The following LRRC8D variants were observed in gnomAD, a reference collection of about 807,000 sequenced individuals.
LRRC8D encodes volume-regulated anion channel subunit LRRC8D.
Under a neutral mutation model 55.8 loss-of-function variants are expected in LRRC8D, and 20 were observed. The ratio of observed to expected loss-of-function variants is 0.36; its 90% CI spans 0.25 to 0.52. The LOEUF (loss-of-function observed/expected upper bound fraction) is 0.52, where lower values mean the gene tolerates loss of function less well. Ranked by LOEUF, LRRC8D falls within the 20% of genes least tolerant of loss-of-function variation. LRRC8D has a pLI of 0.93. For synonymous variants in LRRC8D, 352 were observed against 377.0 expected, an observed-to-expected ratio of 0.93 and a Z score of 0.77; for missense variants, 651 against 1,030.8, an observed-to-expected ratio of 0.63 and a Z score of 5.05.
chr1:89,865,330 T>TTATATATATA (rs34852331), intron 2 of LRRC8D, among the ~76,000 whole-genome samples: 15 of 139,292 alleles, frequency 1.1e-4, no homozygotes, highest in African/African-American at 2.6e-4. Context: ...AAACATGAAA[T>TTATATATATA]TATATATATA....
At chr1:89,925,444 G>A (rs1001823368) in intron 2 of LRRC8D, among the ~76,000 whole-genome samples, 9 of 151,938 alleles carry the variant, frequency 5.9e-5, no homozygotes, top group Non-Finnish European at 8.8e-5. Flanking sequence ...CCCCTCCCCC[G>A]TCCATGGAAA....
intron 2 of LRRC8D, among the ~76,000 whole-genome samples, chr1:89,916,078 C>T (rs565996963): frequency 6.6e-6 from 1 of 152,298 alleles, no homozygotes; most frequent in South Asian, 2.1e-4. Context: ...TGCTCAATTG[C>T]GATTCAGTCC....
intron 2 of LRRC8D, 117 bp downstream of exon 2, chr1:89,843,899 C>G (rs910113457): frequency 3.9e-6 from 2 of 518,148 alleles, no homozygotes; most frequent in Non-Finnish European, 7.0e-6. Flanking sequence ...GCCCGCCCCC[C>G]ACCACTGGCT....
At chr1:89,899,554 G>A (rs1053110332) in intron 2 of LRRC8D, among the ~76,000 whole-genome samples, 2 of 152,220 alleles carry the variant, frequency 1.3e-5, no homozygotes, top group Non-Finnish European at 2.9e-5. Flanking sequence ...AAGAATTAAT[G>A]TAAACTGCAT....
At chr1:89,851,227 C>T (rs766949436) in intron 2 of LRRC8D, among the ~76,000 whole-genome samples, 11 of 152,148 alleles carry the variant, frequency 7.2e-5, no homozygotes, top group East Asian at 3.9e-4. Context: ...ATTCCTGGTA[C>T]GGCTTTTGAA....
chr1:89,909,684 G>A (rs892302831), intron 2 of LRRC8D, among the ~76,000 whole-genome samples: 1 of 151,978 alleles, frequency 6.6e-6, no homozygotes, highest in African/African-American at 2.4e-5. Context: ...GGCTAACACG[G>A]TGAAACCCCG....
chr1:89,909,235 T>C (rs1663072151), intron 2 of LRRC8D, among the ~76,000 whole-genome samples: 1 of 152,128 alleles, frequency 6.6e-6, no homozygotes, highest in Non-Finnish European at 1.5e-5. Context: ...TATTACTATC[T>C]CTCTGGGTAT....
intron 2 of LRRC8D, among the ~76,000 whole-genome samples, chr1:89,878,948 C>T (rs1365658186): frequency 1.6e-5 from 2 of 125,854 alleles, no homozygotes; most frequent in Non-Finnish European, 3.3e-5. Flanking sequence ...GCCTGGGCAA[C>T]AAGAGCGAAA....
chr1:89,904,246 C>T (rs1004489913), intron 2 of LRRC8D, among the ~76,000 whole-genome samples: 1 of 152,026 alleles, frequency 6.6e-6, no homozygotes, highest in Non-Finnish European at 1.5e-5. Flanking sequence ...ATCCCCAGGC[C>T]CAGTTGCAGT....
At chr1:89,844,721 G>A (rs1661229845) in intron 2 of LRRC8D, among the ~76,000 whole-genome samples, 1 of 152,124 alleles carries the variant, frequency 6.6e-6, no homozygotes, top group Admixed American at 6.5e-5. Context: ...TCCCTGGCAG[G>A]TCCAATCTTT....
At chr1:89,885,126 T>A (rs1662385432) in intron 2 of LRRC8D, among the ~76,000 whole-genome samples, 1 of 152,226 alleles carries the variant, frequency 6.6e-6, no homozygotes, top group African/African-American at 2.4e-5. Flanking sequence ...GCCTATTAAA[T>A]AAAACTACAC....
intron 1 of LRRC8D, 25 bp downstream of exon 1, chr1:89,821,316 G>T (rs1183501844): frequency 6.6e-6 from 1 of 152,028 alleles, no homozygotes; most frequent in Non-Finnish European, 1.5e-5. Flanking sequence ...CTCCCGGCAG[G>T]GGCCGGGGGC....
chr1:89,828,643 G>A (rs1660817584), intron 1 of LRRC8D, among the ~76,000 whole-genome samples: 1 of 152,024 alleles, frequency 6.6e-6, no homozygotes, highest in African/African-American at 2.4e-5. Flanking sequence ...AAAAGTCTGG[G>A]AACTACCACT....
chr1:89,871,529 A>C (rs1662007079), intron 2 of LRRC8D, among the ~76,000 whole-genome samples: 1 of 152,188 alleles, frequency 6.6e-6, no homozygotes, highest in African/African-American at 2.4e-5. Flanking sequence ...GAAGTTTATG[A>C]TTCTTAAACT....
intron 2 of LRRC8D, among the ~76,000 whole-genome samples, chr1:89,918,712 A>G (rs971388757): frequency 6.6e-6 from 1 of 152,236 alleles, no homozygotes; most frequent in African/African-American, 2.4e-5. Context: ...TTATGAGTCA[A>G]ACTACATGCA....
chr1:89,850,910 A>G (rs1354936718), intron 2 of LRRC8D, among the ~76,000 whole-genome samples: 1 of 152,158 alleles, frequency 6.6e-6, no homozygotes, highest in Non-Finnish European at 1.5e-5. Context: ...CCTTATTTGT[A>G]TGTGTTAACT....
chr1:89,837,928 G>A (rs1570806683), intron 1 of LRRC8D, among the ~76,000 whole-genome samples: 1 of 152,102 alleles, frequency 6.6e-6, no homozygotes, highest in East Asian at 1.9e-4. Flanking sequence ...TTCAAGATAT[G>A]ATGTGTGTGA....
At position 89,925,342 on chromosome 1, in the gene LRRC8D, T is replaced by G. The variant is rs1038645903; in HGVS notation, c.-2-7725T>G. Among the ~76,000 whole-genome samples, 20 of 152,154 alleles carry G rather than the reference T, an allele frequency of 1.3e-4. 1 individual carries two copies. Among genetic ancestry groups the G allele is most frequent in the Admixed American group, 1.3e-3 (20 of 15,278 alleles). On this transcript the variant is annotated intron_variant, in intron 2 of 2. Transcript: ENST00000337338. The stretch of plus-strand genomic sequence containing the variant: ...GCGCTGATTCCACATTATGGTGAGT[T>G]GTATAATTATTTCATTATATATTAC...
At chr1:89,894,897 G>A (rs1173838780) in intron 2 of LRRC8D, among the ~76,000 whole-genome samples, 1 of 152,118 alleles carries the variant, frequency 6.6e-6, no homozygotes, top group African/African-American at 2.4e-5. Flanking sequence ...GACAGCCATA[G>A]TGTTGAAAGT....
Sources: allele counts gnomAD v4.1 joint callset (sites outside exome capture counted in the v4.1 genomes callset), GRCh38; gene constraint gnomAD v4.1.1; transcripts MANE v1.5; gene names NCBI Gene and HGNC (gene_info 2026-07-23, HGNC 2026-07-21).